Variants in PCDH12 observed in about 807,000 individuals in gnomAD.
PCDH12 encodes the protein protocadherin 12.
A neutral mutation model predicts 70.9 loss-of-function variants in PCDH12; 45 were observed. The ratio of observed to expected loss-of-function variants is 0.63; its 90% CI spans 0.50 to 0.81. The LOEUF (loss-of-function observed/expected upper bound fraction) is 0.81, where lower values mean the gene tolerates loss of function less well. PCDH12 is among the 40% of genes least tolerant of loss of function. The pLI, the probability that PCDH12 is intolerant of heterozygous loss-of-function variation, is 0.00. For missense variants in PCDH12, 1,370 were observed against 1,491.7 expected (o/e 0.92, Z 1.34); for synonymous variants, 567 against 626.0 (o/e 0.91, Z 1.41).
At position 141,956,077 on chromosome 5, in the gene PCDH12, A is replaced by G. The variant is rs777523382; in HGVS notation, c.1775T>C (p.Ile592Thr). The change falls in exon 1 of 4, where the codon ATC becomes ACC. Residue 592 changes from isoleucine (I) to threonine (T), a missense_variant. Physicochemically the swap from Ile to Thr is moderately conservative, Grantham distance 89. Coordinates refer to ENST00000231484, the MANE Select transcript of PCDH12 (RefSeq NM_016580.4). ...NASTGHLLVP[I>T]ETPNGLGPAG... ...TGGGCCCAAGCCATTGGGAGTCTCG[A>G]TGGGCACCAGCAGGTGGCCTGTGGA... 5 of 1,614,138 alleles carry G rather than the reference A, an allele frequency of 3.1e-6. No homozygotes were observed. The South Asian group carries it at 5.5e-5, about 18-fold the overall frequency.
chr5:141,945,862 T>C, intron 3 of PCDH12, 57 bp from the exon 4 acceptor site: 1 of 1,528,748 alleles, frequency 6.5e-7, no homozygotes, highest in Non-Finnish European at 8.9e-7. Flanking sequence ...GCCAGGCGGG[T>C]GAGGGTGGGG....
rs144332862 is a variant in PCDH12, at chr5:141,945,341, A to G, written c.*40T>C. ...AACCAGCTCTTGTCCACAGATCCTC[A>G]GGCCCCTGGTTCTTGGATCCAGAGG... On this transcript the variant is annotated 3_prime_UTR_variant, in exon 4 of 4. Transcript: ENST00000231484. 7,213 of 1,556,758 alleles carry G rather than the reference A, an allele frequency of 4.6e-3. 25 individuals carry two copies. The highest frequency in any genetic ancestry group is 5.1e-3 in the Non-Finnish European group (5,866 of 1,153,948).
At chr5:141,947,914 G>A (rs919631977) in intron 3 of PCDH12, among the ~76,000 whole-genome samples, 8 of 152,230 alleles carry the variant, frequency 5.3e-5, no homozygotes, top group Non-Finnish European at 2.9e-5. Flanking sequence ...GCAGGACCGT[G>A]TGGGAACTGA....
rs765831804 is a variant in PCDH12, at chr5:141,955,523, G to A, written c.2329C>T (p.Leu777Phe). 6.2e-7 allele frequency: 1 copy of A among 1,614,200 alleles called. No homozygotes were observed. Among genetic ancestry groups the A allele is most frequent in the Non-Finnish European group, 8.5e-7 (1 of 1,180,024 alleles). Residue 777 changes from leucine (L) to phenylalanine (F), a missense_variant, in exon 1 of 4, where the codon CTC becomes TTC. Leu to Phe is a conservative substitution (Grantham distance 22, BLOSUM62 0). Coordinates refer to ENST00000231484, the MANE Select transcript of PCDH12 (RefSeq NM_016580.4). The surrounding 1 kb of genome is among the most constrained non-coding windows in gnomAD (Gnocchi z 5.5). ...GCCTGACCCCTGAGCACAGGCACGA[G>A]GTGGATGTCTGCCTTCTGAATGTGT... ...QKHIQKADIH[L>F]VPVLRGQAGE... is the part of the protein sequence containing the mutation.
At chr5:141,949,709 T>G (rs1428699460) in intron 2 of PCDH12, 126 bp from the exon 3 acceptor site, 5 of 1,092,784 alleles carry the variant, frequency 4.6e-6, no homozygotes, top group Non-Finnish European at 6.5e-6. Flanking sequence ...GCCTCTAGAG[T>G]CAGACCAACC....
In PCDH12 at chr5:141,957,825, C is replaced by T. The variant is rs1561537290; in HGVS notation, c.27G>A (p.Leu9=). 2 of 1,600,366 alleles carry T rather than the reference C, an allele frequency of 1.2e-6. No individual in the cohort carries two copies. The highest frequency in any genetic ancestry group is 1.7e-6 in the Non-Finnish European group (2 of 1,179,086). The change falls in exon 1 of 4, where the codon CTG becomes CTA. Residue 9 remains leucine, a synonymous_variant. Transcript: ENST00000231484. This position sits in a 1 kb window ranked among gnomAD's most constrained non-coding sequence, Gnocchi z 4.3. MMQLLQLL[L]GLLGPGGYLF... Reference sequence around the variant, plus strand: ...AGTAGCCACCTGGCCCCAAAAGCCCCAGCAGAAGTTGCAGAAGTTGCATCA... The same window carrying T: ...AGTAGCCACCTGGCCCCAAAAGCCCTAGCAGAAGTTGCAGAAGTTGCATCA...
Position 141,946,285 on chromosome 5 carries a change from G to C in PCDH12, c.3131-480C>G, listed in dbSNP as rs371781931. On this transcript the variant is annotated intron_variant, in intron 3 of 3. Coordinates refer to ENST00000231484, the MANE Select transcript of PCDH12 (RefSeq NM_016580.4). ...CCATAATAATAGGGACCACATATTA[G>C]GTACTTACGTGATGAGCAATTTACA... Among the ~76,000 whole-genome samples the C allele has an allele frequency of 4.5e-4, 68 of 152,246 alleles. 1 individual carries two copies. In the South Asian group the frequency reaches 0.013, roughly 30 times the overall value.
Position 141,955,292 on chromosome 5 carries a change from T to A in PCDH12, c.2560A>T (p.Arg854Trp), listed in dbSNP as rs764333172. ...TTCTCCCGGGAGGCATTCCTCTGCC[T>A]GGGATGGTTGAAAAGGAGGTTGACC... ...DTVNLLFNHP[R>W]QRNASRENLN... The change falls in exon 1 of 4, where the codon AGG (arginine) becomes TGG (tryptophan). Residue 854 changes from arginine to tryptophan, a missense_variant. Physicochemically the swap from Arg to Trp is moderately radical, Grantham distance 101. Coordinates refer to ENST00000231484, the MANE Select transcript of PCDH12 (RefSeq NM_016580.4). This position sits in a 1 kb window ranked among gnomAD's most constrained non-coding sequence, Gnocchi z 5.5. 7.4e-6 allele frequency: 12 copies of A among 1,614,066 alleles called. No individual in the cohort carries two copies. Among genetic ancestry groups the A allele is most frequent in the Middle Eastern group, 3.3e-4 (2 of 6,084 alleles).
rs1329484278 is a variant in PCDH12, at chr5:141,956,334, G to A, written c.1518C>T (p.His506=). ...CTGTGTTGGAGTCAATAGCTACTAAGTGAGCAACTGGGGAGTCCTGGATGC... is the reference window on the plus strand; with the variant it reads ...CTGTGTTGGAGTCAATAGCTACTAAATGAGCAACTGGGGAGTCCTGGATGC... ...SYRIQDSPVA[H]LVAIDSNTGE... The change falls in exon 1 of 4, where the codon CAC becomes CAT. Residue 506 remains histidine (H), a synonymous_variant. Coordinates refer to ENST00000231484, the MANE Select transcript of PCDH12 (RefSeq NM_016580.4). 1.2e-6 allele frequency: 2 copies of A among 1,614,246 alleles called. No homozygotes were observed. The highest frequency in any genetic ancestry group is 2.2e-5 in the South Asian group (2 of 91,086).
intron 2 of PCDH12, among the ~76,000 whole-genome samples, chr5:141,949,970 C>T (rs1452558636): frequency 6.6e-6 from 1 of 152,198 alleles, no homozygotes; most frequent in Non-Finnish European, 1.5e-5. Context: ...TAGTAAACCT[C>T]AGTGGAGCCA....
chr5:141,955,506 C>T lies in PCDH12; in HGVS notation c.2346G>A (p.Arg782=), dbSNP rs375566712. 1.9e-6 allele frequency: 3 copies of T among 1,614,180 alleles called. No homozygotes were observed. Among genetic ancestry groups the T allele is most frequent in the Non-Finnish European group, 2.5e-6 (3 of 1,180,032 alleles). ...CTTCACAAGGCTCACCTGCCTGACC[C>T]CTGAGCACAGGCACGAGGTGGATGT... ...KADIHLVPVL[R]GQAGEPCEVG... The change falls in exon 1 of 4, where the codon AGG becomes AGA. Residue 782 remains arginine, a synonymous_variant. Coordinates refer to ENST00000231484, the MANE Select transcript of PCDH12 (RefSeq NM_016580.4). This position sits in a 1 kb window ranked among gnomAD's most constrained non-coding sequence, Gnocchi z 5.5.
intron 2 of PCDH12, among the ~76,000 whole-genome samples, chr5:141,949,956 A>T (rs986279088): frequency 1.3e-5 from 2 of 152,132 alleles, no homozygotes; most frequent in Non-Finnish European, 2.9e-5. Context: ...ACACAGGAGG[A>T]GTTTAGTAAA....
rs951387602 is a variant in PCDH12, at chr5:141,955,893, C to T, written c.1959G>A (p.Thr653=). Residue 653 remains threonine, a synonymous_variant, in exon 1 of 4, where the codon ACG becomes ACA. Transcript: ENST00000231484. This position sits in a 1 kb window ranked among gnomAD's most constrained non-coding sequence, Gnocchi z 5.5. ...EAHLFILNPH[T]GQLFVNVTNA... is the part of the protein sequence containing the mutation. ...TGGTGACATTGACGAACAGCTGCCC[C>T]GTATGAGGGTTGAGGATGAAGAGGT... 14 of 1,614,036 alleles carry T rather than the reference C, an allele frequency of 8.7e-6. 1 individual carries two copies. The highest frequency in any genetic ancestry group is 4.4e-5 in the South Asian group (4 of 91,086).
At chr5:141,949,355 G>A (rs1753026024) in intron 3 of PCDH12, 77 bp downstream of exon 3, 2 of 1,504,580 alleles carry the variant, frequency 1.3e-6, no homozygotes, top group Non-Finnish European at 1.8e-6. Context: ...TTTCCCTGCA[G>A]TGGATTGGAG....
chr5:141,953,997 C>T (rs773001535), intron 1 of PCDH12, among the ~76,000 whole-genome samples: 1 of 152,208 alleles, frequency 6.6e-6, no homozygotes, highest in Non-Finnish European at 1.5e-5. Flanking sequence ...AAGGTTTCCC[C>T]ACTTGTGTCT....
rs764984361 is a variant in PCDH12 at position 141,956,316 on chromosome 5, G to T, written c.1536C>A (p.Ser512=). The T allele has an allele frequency of 6.2e-7, 1 of 1,614,208 alleles. No homozygotes were observed. The highest frequency in any genetic ancestry group is 1.1e-5 in the South Asian group (1 of 91,090). ...TCTGAGCAGTGACCTCTCCTGTGTTGGAGTCAATAGCTACTAAGTGAGCAA... is the reference window on the plus strand; with the variant it reads ...TCTGAGCAGTGACCTCTCCTGTGTTTGAGTCAATAGCTACTAAGTGAGCAA... ...SPVAHLVAID[S]NTGEVTAQRS... Residue 512 remains serine (S), a synonymous_variant, in exon 1 of 4, where the codon TCC becomes TCA. Coordinates refer to ENST00000231484, the MANE Select transcript of PCDH12 (RefSeq NM_016580.4).
At position 141,957,660 on chromosome 5, in the gene PCDH12, A is replaced by G. The variant is rs164077; in HGVS notation, c.192T>C (p.Ala64=). ...GREERRRQAG[A]AFQVLQLPQA... Reference sequence around the variant, plus strand: ...GAGGCAGCTGCAACACCTGGAAGGCAGCCCCAGCTTGCCTCCGCCTCTCCT... The same window carrying G: ...GAGGCAGCTGCAACACCTGGAAGGCGGCCCCAGCTTGCCTCCGCCTCTCCT... The change falls in exon 1 of 4, where the codon GCT becomes GCC. Residue 64 remains alanine, a synonymous_variant. Transcript: ENST00000231484. The surrounding 1 kb of genome is among the most constrained non-coding windows in gnomAD (Gnocchi z 4.3). 0.8 allele frequency: 1,286,221 copies of G among 1,613,928 alleles called. 516,978 individuals are homozygous for G. The highest frequency in any genetic ancestry group is 0.97 in the East Asian group (43,612 of 44,876).
chr5:141,955,874 C>T lies in PCDH12; in HGVS notation c.1978G>A (p.Val660Ile). ...NPHTGQLFVN[V>I]TNASSLIGSE... The stretch of plus-strand genomic sequence containing the variant: ...CCAATGAGGCTGCTGGCATTGGTGA[C>T]ATTGACGAACAGCTGCCCCGTATGA... The change falls in exon 1 of 4, where the codon GTC (valine) becomes ATC (isoleucine). Residue 660 changes from valine (V) to isoleucine (I), a missense_variant. By Grantham distance (29) the Val-to-Ile change is conservative (BLOSUM62 3). Coordinates refer to ENST00000231484, the MANE Select transcript of PCDH12 (RefSeq NM_016580.4). The surrounding 1 kb of genome is among the most constrained non-coding windows in gnomAD (Gnocchi z 5.5). 6.2e-7 allele frequency: 1 copy of T among 1,614,198 alleles called. No individual in the cohort carries two copies. Among genetic ancestry groups the T allele is most frequent in the Non-Finnish European group, 8.5e-7 (1 of 1,180,024 alleles).
intron 3 of PCDH12, 178 bp downstream of exon 3, chr5:141,949,254 T>C (rs897890474): frequency 2.1e-6 from 2 of 938,940 alleles, no homozygotes; most frequent in African/African-American, 3.6e-5. Flanking sequence ...AAAATCAAAG[T>C]AGAACCTGGT....
Sources: allele counts gnomAD v4.1 joint callset (sites outside exome capture counted in the v4.1 genomes callset), GRCh38; gene constraint gnomAD v4.1.1; non-coding constraint Gnocchi (gnomAD v3.1); transcripts MANE v1.5; gene names NCBI Gene and HGNC (gene_info 2026-07-23, HGNC 2026-07-21).